Variants in POFUT3 observed in about 807,000 individuals in gnomAD.
The protein encoded by POFUT3 is GDP-fucose protein O-fucosyltransferase 3.
the POFUT3 span, among the ~76,000 whole-genome samples, chr8:33,426,517 T>C: frequency 1.3e-5 from 2 of 152,260 alleles, no homozygotes; most frequent in Admixed American, 1.3e-4. Flanking sequence ...TAGTGCTCAG[T>C]GTTGCAGAGG....
At chr8:33,472,097 G>A in the POFUT3 span, among the ~76,000 whole-genome samples, 6 of 152,304 alleles carry the variant, frequency 3.9e-5, no homozygotes, top group Non-Finnish European at 7.3e-5. Context: ...AAGATTGGTC[G>A]TGAGTTTCCT....
At chr8:33,439,980 C>G in the POFUT3 span, among the ~76,000 whole-genome samples, 4 of 152,160 alleles carry the variant, frequency 2.6e-5, no homozygotes. Flanking sequence ...TGCCTTCTTT[C>G]TCTTCCTTCC....
chr8:33,403,178 AGAG>A, the POFUT3 span, among the ~76,000 whole-genome samples: 2 of 152,172 alleles, frequency 1.3e-5, no homozygotes, highest in East Asian at 3.8e-4. Flanking sequence ...AGAGGAAAAA[AGAG>A]GAGAAGAATC....
At chr8:33,413,533 G>C in the POFUT3 span, among the ~76,000 whole-genome samples, 1 of 152,132 alleles carries the variant, frequency 6.6e-6, no homozygotes, top group Admixed American at 6.6e-5. Context: ...GTGTCTTTAA[G>C]CCACCCATCT....
chr8:33,461,941 T>C, the POFUT3 span, among the ~76,000 whole-genome samples: 4 of 151,026 alleles, frequency 2.6e-5, no homozygotes, highest in Non-Finnish European at 5.9e-5. Context: ...AGGTGGATCA[T>C]TTGAGGTCAG....
At chr8:33,378,415 A>T in the POFUT3 span, among the ~76,000 whole-genome samples, 1 of 152,134 alleles carries the variant, frequency 6.6e-6, no homozygotes, top group Non-Finnish European at 1.5e-5. Flanking sequence ...TGATACCAGA[A>T]GTTACACCAC....
the POFUT3 span, among the ~76,000 whole-genome samples, chr8:33,332,499 A>AAAG: frequency 1.7e-4 from 25 of 146,382 alleles, no homozygotes; most frequent in South Asian, 6.5e-4. Context: ...AAAAAAAAAA[A>AAAG]AAGAAGAAGA....
At chr8:33,328,249 A>G in the POFUT3 span, among the ~76,000 whole-genome samples, 1 of 152,134 alleles carries the variant, frequency 6.6e-6, no homozygotes, top group Non-Finnish European at 1.5e-5. Context: ...GGGTCAATAA[A>G]AGATTTTCTA....
the POFUT3 span, among the ~76,000 whole-genome samples, chr8:33,453,706 G>C: frequency 1.3e-5 from 2 of 152,220 alleles, no homozygotes; most frequent in Admixed American, 6.5e-5. Context: ...GCGTCGTCAG[G>C]GGGGCAAGGT....
the POFUT3 span, among the ~76,000 whole-genome samples, chr8:33,449,607 G>C: frequency 1.3e-5 from 2 of 151,838 alleles, no homozygotes; most frequent in Non-Finnish European, 2.9e-5. Context: ...ACTTTTAAAA[G>C]GTGGTTTTAA....
At chr8:33,390,436 C>T in the POFUT3 span, among the ~76,000 whole-genome samples, 3 of 150,986 alleles carry the variant, frequency 2.0e-5, no homozygotes, top group Non-Finnish European at 4.4e-5. Context: ...AAAAGTGTTA[C>T]CTACAAGTAA....
the POFUT3 span, among the ~76,000 whole-genome samples, chr8:33,425,748 C>T: frequency 2.4e-5 from 3 of 123,306 alleles, no homozygotes; most frequent in Admixed American, 8.2e-5. Flanking sequence ...ATGGTGAAAC[C>T]CCTATCTCTA....
At chr8:33,331,832 C>T in the POFUT3 span, among the ~76,000 whole-genome samples, 2 of 151,886 alleles carry the variant, frequency 1.3e-5, no homozygotes, top group African/African-American at 2.4e-5. Context: ...CCCGCCACCA[C>T]GCCCGGCTAA....
At chr8:33,462,581 A>G in the POFUT3 span, among the ~76,000 whole-genome samples, 1 of 152,186 alleles carries the variant, frequency 6.6e-6, no homozygotes, top group Non-Finnish European at 1.5e-5. Context: ...GAAGTTTCCA[A>G]ATAAAATTTT....
the POFUT3 span, among the ~76,000 whole-genome samples, chr8:33,367,206 C>T: frequency 5.7e-3 from 871 of 152,296 alleles, 9 homozygotes; most frequent in African/African-American, 0.02. Context: ...ATGGCCATAA[C>T]GCCCACGCTG....
the POFUT3 span, among the ~76,000 whole-genome samples, chr8:33,425,228 G>T: frequency 6.6e-6 from 1 of 152,014 alleles, no homozygotes; most frequent in Non-Finnish European, 1.5e-5. Context: ...TAACTAATTG[G>T]GAAGCTGAGG....
chr8:33,335,888 G>C, the POFUT3 span, among the ~76,000 whole-genome samples: 1 of 152,128 alleles, frequency 6.6e-6, no homozygotes, highest in East Asian at 1.9e-4. Context: ...AAGAGGAGGA[G>C]GAATAAGAGG....
At chr8:33,393,316 C>T in the POFUT3 span, among the ~76,000 whole-genome samples, 4 of 152,168 alleles carry the variant, frequency 2.6e-5, no homozygotes, top group Non-Finnish European at 4.4e-5. Flanking sequence ...ACTTTCATTC[C>T]TCTGGGTTAT....
the POFUT3 span, chr8:33,389,897 T>C: frequency 1.2e-6 from 1 of 838,804 alleles, no homozygotes; most frequent in Non-Finnish European, 1.9e-6. Flanking sequence ...TCTGAGGCTA[T>C]GAATAAGAAG....
Sources: allele counts gnomAD v4.1 joint callset (sites outside exome capture counted in the v4.1 genomes callset), GRCh38; gene constraint gnomAD v4.1.1; transcripts MANE v1.5; gene names NCBI Gene and HGNC (gene_info 2026-07-23, HGNC 2026-07-21).